Variants in AKAP6 observed in about 807,000 individuals in gnomAD.
AKAP6 encodes A-kinase anchoring protein 6, also known as A-kinase anchor protein 6.
Under a neutral mutation model 188.5 loss-of-function variants are expected in AKAP6, and 58 were observed. The ratio of observed to expected loss-of-function variants is 0.31; its 90% confidence interval spans 0.25 to 0.38. The LOEUF (loss-of-function observed/expected upper bound fraction) is 0.38. AKAP6 is among the 10% of genes least tolerant of loss of function. The pLI, the probability that AKAP6 is intolerant of heterozygous loss-of-function variation, is 1.00. For synonymous variants in AKAP6, 989 were observed against 998.6 expected (o/e 0.99, Z 0.18); for missense variants, 2,710 against 2,740.0 (o/e 0.99, Z 0.24).
intron 9 of AKAP6, among the ~76,000 whole-genome samples, chr14:32,708,804 G>C (rs1451714720): frequency 1.3e-5 from 2 of 151,912 alleles, no homozygotes; most frequent in Non-Finnish European, 1.5e-5. Context: ...TTTTCCCACT[G>C]AACTTTGTCC....
At chr14:32,489,853 G>A (rs1879907640) in intron 2 of AKAP6, among the ~76,000 whole-genome samples, 1 of 152,234 alleles carries the variant, frequency 6.6e-6, no homozygotes, top group Non-Finnish European at 1.5e-5. Flanking sequence ...TCCGTGTGAA[G>A]AGACCACCAA....
intron 2 of AKAP6, among the ~76,000 whole-genome samples, chr14:32,513,241 C>A (rs558423023): frequency 5.3e-5 from 8 of 152,252 alleles, no homozygotes; most frequent in African/African-American, 1.9e-4. Context: ...AGCAATCAAT[C>A]AAATTAAAAA....
At chr14:32,597,955 C>T (rs185011858) in intron 5 of AKAP6, among the ~76,000 whole-genome samples, 167 of 152,072 alleles carry the variant, frequency 1.1e-3, no homozygotes, top group Middle Eastern at 0.01. Context: ...TCACCACTGA[C>T]CACCCAGGAT....
chr14:32,465,413 A>G (rs1878353051), intron 2 of AKAP6, among the ~76,000 whole-genome samples: 2 of 152,198 alleles, frequency 1.3e-5, no homozygotes, highest in South Asian at 4.1e-4. Context: ...GGAACAGAAC[A>G]GAGACCTCAG....
At chr14:32,412,434 A>T (rs1031482339) in intron 1 of AKAP6, among the ~76,000 whole-genome samples, 1 of 152,224 alleles carries the variant, frequency 6.6e-6, no homozygotes, top group Non-Finnish European at 1.5e-5. Flanking sequence ...ACATGTTTCC[A>T]TGATAATTGG....
intron 9 of AKAP6, among the ~76,000 whole-genome samples, chr14:32,722,885 G>T (rs190932516): frequency 6.6e-6 from 1 of 152,290 alleles, no homozygotes; most frequent in East Asian, 1.9e-4. Flanking sequence ...CTATCAAGCT[G>T]ACTCTTCGCT....
At position 32,837,289 on chromosome 14, in the gene AKAP6, C is replaced by T. The variant is rs889395956; in HGVS notation, c.*7484C>T. The T allele has an allele frequency of 6.6e-6, 1 of 152,178 alleles. No homozygotes were observed. The highest frequency in any genetic ancestry group is 6.5e-5 in the Admixed American group (1 of 15,280). The allele number at this position is 152,178 out of a possible 1,614,324, so 9.4% of individuals were successfully genotyped here. A position where few individuals can be genotyped will look rare whatever the true frequency, so the allele number is the denominator to read the frequency against. ...CAATCCTGAAATTATTAAAACATTT[C>T]TTTGTCCTTACTTAAACCTAACCTG... On this transcript the variant is annotated 3_prime_UTR_variant, in exon 14 of 14. Coordinates refer to ENST00000280979, the MANE Select transcript of AKAP6 (RefSeq NM_004274.5).
intron 1 of AKAP6, among the ~76,000 whole-genome samples, chr14:32,413,766 T>G (rs1308628844): frequency 2.6e-5 from 4 of 152,110 alleles, no homozygotes; most frequent in Non-Finnish European, 5.9e-5. Context: ...ATATCCTCCT[T>G]GTCACAGTTT....
intron 11 of AKAP6, among the ~76,000 whole-genome samples, chr14:32,745,465 C>A (rs1454407222): frequency 6.9e-5 from 1 of 14,500 alleles, no homozygotes; most frequent in African/African-American, 2.3e-4. Flanking sequence ...TATTCATTCT[C>A]TCTCTCTCTC....
chr14:32,797,661 C>G (rs1413191097), intron 12 of AKAP6, among the ~76,000 whole-genome samples: 2 of 152,006 alleles, frequency 1.3e-5, no homozygotes, highest in Non-Finnish European at 2.9e-5. Flanking sequence ...GGATGAATAG[C>G]TAATGATGCT....
At chr14:32,800,503 T>C (rs1261668536) in intron 12 of AKAP6, among the ~76,000 whole-genome samples, 1 of 152,118 alleles carries the variant, frequency 6.6e-6, no homozygotes, top group Non-Finnish European at 1.5e-5. Context: ...ATATGTTCCA[T>C]TGCTTTGTGC....
chr14:32,776,919 C>T (rs968858017), intron 12 of AKAP6, among the ~76,000 whole-genome samples: 9 of 152,040 alleles, frequency 5.9e-5, no homozygotes, highest in African/African-American at 9.7e-5. Context: ...CAGGGCGCAC[C>T]GGAGATATAC....
At chr14:32,385,973 T>C (rs971628389) in intron 1 of AKAP6, among the ~76,000 whole-genome samples, 4 of 143,934 alleles carry the variant, frequency 2.8e-5, no homozygotes, top group Admixed American at 1.4e-4. Flanking sequence ...AGTTCATATA[T>C]TATATATAAT....
intron 7 of AKAP6, among the ~76,000 whole-genome samples, chr14:32,650,717 G>T (rs1888184470): frequency 6.6e-6 from 1 of 152,098 alleles, no homozygotes; most frequent in African/African-American, 2.4e-5. Flanking sequence ...GTTTTAACTG[G>T]ACCAGGGTTC....
chr14:32,666,521 A>T (rs890362857), intron 7 of AKAP6, among the ~76,000 whole-genome samples: 7 of 152,088 alleles, frequency 4.6e-5, no homozygotes, highest in African/African-American at 1.7e-4. Context: ...TAACAAAGAC[A>T]TCCTATAATT....
At chr14:32,592,726 T>G (rs1225481381) in intron 5 of AKAP6, among the ~76,000 whole-genome samples, 1 of 152,180 alleles carries the variant, frequency 6.6e-6, no homozygotes, top group Non-Finnish European at 1.5e-5. Context: ...CTTGCATTAT[T>G]GCAGTATGCC....
chr14:32,804,856 A>T (rs1322955471), intron 12 of AKAP6, among the ~76,000 whole-genome samples: 8 of 152,132 alleles, frequency 5.3e-5, no homozygotes, highest in Non-Finnish European at 1.2e-4. Flanking sequence ...TAGGAAAAGA[A>T]TTTAGAGATA....
At position 32,469,432 on chromosome 14, in the gene AKAP6, G is replaced by A. The variant is rs545256331; in HGVS notation, c.324+35615G>A. ...ATTAAACTACCAGTAGATTCCTAGC[G>A]TTTCTTGGTAGTAGAAAACTTTTGA... On this transcript the variant is annotated intron_variant, in intron 2 of 13. Transcript: ENST00000280979. Among the ~76,000 whole-genome samples, 173 of 152,242 alleles carry A rather than the reference G, an allele frequency of 1.1e-3. 2 individuals are homozygous for A. The highest frequency in any genetic ancestry group is 3.9e-3 in the African/African-American group (161 of 41,554).
At chr14:32,578,792 C>CTCT (rs1884841268) in intron 5 of AKAP6, among the ~76,000 whole-genome samples, 1 of 151,504 alleles carries the variant, frequency 6.6e-6, no homozygotes, top group African/African-American at 2.4e-5. Context: ...TATTGAAAGC[C>CTCT]GGGCTAGGAG....
Sources: gnomAD v4.1 joint callset for allele counts (sites outside exome capture counted in the v4.1 genomes callset) on GRCh38, gnomAD v4.1.1 for gene constraint, MANE v1.5 for transcripts, NCBI Gene and HGNC (gene_info 2026-07-23, HGNC 2026-07-21) for gene names.